PRKG1: variants seen among roughly 807,000 people sequenced by gnomAD.
The protein encoded by PRKG1 is cGMP-dependent protein kinase 1.
A neutral mutation model predicts 88.1 loss-of-function variants in PRKG1; 35 were observed. The ratio of observed to expected loss-of-function variants is 0.40; its 90% CI spans 0.30 to 0.53. The LOEUF (loss-of-function observed/expected upper bound fraction) is 0.53. PRKG1 is among the 20% of genes least tolerant of loss of function. PRKG1 has a pLI of 0.59. For synonymous variants in PRKG1, 303 were observed against 292.5 expected (o/e 1.04, Z -0.37); for missense variants, 540 against 839.8 (o/e 0.64, Z 4.41).
At chr10:52,086,747 G>T (rs2133314605) in intron 7 of PRKG1, among the ~76,000 whole-genome samples, 1 of 152,116 alleles carries the variant, frequency 6.6e-6, no homozygotes, top group African/African-American at 2.4e-5. Context: ...GTGGGCATTT[G>T]AACAGTGTAT....
intron 9 of PRKG1, among the ~76,000 whole-genome samples, chr10:52,232,990 G>C (rs908820296): frequency 6.6e-6 from 1 of 152,140 alleles, no homozygotes; most frequent in African/African-American, 2.4e-5. Context: ...AACATTAAGT[G>C]GACATTGAAC....
intron 2 of PRKG1, among the ~76,000 whole-genome samples, chr10:51,179,371 TAA>T (rs995520119): frequency 1.3e-5 from 2 of 152,220 alleles, no homozygotes; most frequent in Non-Finnish European, 2.9e-5. Context: ...TAAATGAAGC[TAA>T]AAGTGATGAT....
intron 8 of PRKG1, among the ~76,000 whole-genome samples, chr10:52,145,701 C>T (rs1468887092): frequency 6.6e-6 from 1 of 152,174 alleles, no homozygotes; most frequent in Non-Finnish European, 1.5e-5. Context: ...AATGGTTTTG[C>T]TTACTTTAGT....
intron 9 of PRKG1, among the ~76,000 whole-genome samples, chr10:52,189,653 T>C (rs375706822): frequency 2.7e-4 from 41 of 152,068 alleles, no homozygotes; most frequent in African/African-American, 8.9e-4. Context: ...CATGGGAAAA[T>C]TGTCTTCTAC....
chr10:51,849,250 C>G (rs1460817022), intron 4 of PRKG1, among the ~76,000 whole-genome samples: 6 of 152,124 alleles, frequency 3.9e-5, no homozygotes, highest in Admixed American at 3.9e-4. Flanking sequence ...TGGAGCCAAA[C>G]AGGCATGAGT....
At chr10:51,900,853 G>A (rs1470914110) in intron 4 of PRKG1, among the ~76,000 whole-genome samples, 1 of 151,978 alleles carries the variant, frequency 6.6e-6, no homozygotes, top group East Asian at 1.9e-4. Flanking sequence ...CCATTCAAAT[G>A]ATTTTGCTTG....
chr10:51,899,802 C>T (rs978159917), intron 4 of PRKG1, among the ~76,000 whole-genome samples: 5 of 151,118 alleles, frequency 3.3e-5, no homozygotes, highest in African/African-American at 1.2e-4. Flanking sequence ...AATGCAATCC[C>T]CAGTGTTGGA....
At chr10:51,528,180 A>G (rs1841929046) in intron 3 of PRKG1, among the ~76,000 whole-genome samples, 1 of 152,228 alleles carries the variant, frequency 6.6e-6, no homozygotes, top group Non-Finnish European at 1.5e-5. Context: ...AAAACCCACC[A>G]CAACAGTGAG....
chr10:51,681,022 G>A (rs567961847), intron 3 of PRKG1, among the ~76,000 whole-genome samples: 12 of 152,254 alleles, frequency 7.9e-5, no homozygotes, highest in Admixed American at 7.8e-4. Context: ...TTGACTACCT[G>A]TTTTAATAAT....
intron 3 of PRKG1, among the ~76,000 whole-genome samples, chr10:51,654,092 A>AG (rs1840105067): frequency 6.6e-6 from 1 of 152,028 alleles, no homozygotes; most frequent in African/African-American, 2.4e-5. Flanking sequence ...TTAAAAAAAA[A>AG]TCACTGCCCA....
intron 3 of PRKG1, among the ~76,000 whole-genome samples, chr10:51,591,548 C>T (rs1208118699): frequency 1.3e-5 from 2 of 152,100 alleles, no homozygotes; most frequent in African/African-American, 4.8e-5. Flanking sequence ...TAAGTTGTCA[C>T]CAGCACTGCA....
At chr10:51,637,556 T>C (rs1839688945) in intron 3 of PRKG1, among the ~76,000 whole-genome samples, 1 of 152,224 alleles carries the variant, frequency 6.6e-6, no homozygotes, top group African/African-American at 2.4e-5. Context: ...AAGAAAATGT[T>C]GTATATATAC....
chr10:52,178,819 G>A (rs1275551919), intron 9 of PRKG1, among the ~76,000 whole-genome samples: 4 of 151,804 alleles, frequency 2.6e-5, no homozygotes, highest in African/African-American at 7.3e-5. Context: ...TACTCCTGTT[G>A]GCTTTTGTTT....
intron 8 of PRKG1, among the ~76,000 whole-genome samples, chr10:52,134,548 G>A (rs1017733796): frequency 5.3e-5 from 8 of 152,140 alleles, no homozygotes; most frequent in African/African-American, 1.9e-4. Flanking sequence ...GATTCTCCAA[G>A]AGCATGGTTA....
At chr10:51,331,924 G>C (rs947534336) in intron 2 of PRKG1, among the ~76,000 whole-genome samples, 7 of 152,132 alleles carry the variant, frequency 4.6e-5, no homozygotes, top group Admixed American at 3.9e-4. Flanking sequence ...AAAGGTCATG[G>C]TTATCATTAA....
intron 9 of PRKG1, among the ~76,000 whole-genome samples, chr10:52,183,721 C>T (rs183773176): frequency 1.3e-5 from 2 of 152,258 alleles, no homozygotes; most frequent in Admixed American, 6.5e-5. Context: ...CAAGATGGTG[C>T]CATGATGCAA....
intron 5 of PRKG1, among the ~76,000 whole-genome samples, chr10:51,998,039 G>A (rs1433185193): frequency 6.6e-6 from 1 of 152,120 alleles, no homozygotes. Flanking sequence ...GTTTTTGGTG[G>A]ACACTCTATC....
At chr10:51,368,666 A>G (rs1055468076) in intron 2 of PRKG1, among the ~76,000 whole-genome samples, 5 of 152,118 alleles carry the variant, frequency 3.3e-5, no homozygotes, top group South Asian at 2.1e-4. Flanking sequence ...TGAACAATAG[A>G]TTTACTCTGT....
Position 52,052,510 on chromosome 10 carries a change from A to G in PRKG1, c.763-1974A>G, listed in dbSNP as rs560351465. Among the ~76,000 whole-genome samples, 50 of 152,234 alleles carry G rather than the reference A, an allele frequency of 3.3e-4. 1 individual carries two copies. The highest frequency in any genetic ancestry group is 7.9e-4 in the Admixed American group (12 of 15,280). On this transcript the variant is annotated intron_variant, in intron 5 of 17. Coordinates refer to ENST00000373980, the MANE Select transcript of PRKG1 (RefSeq NM_006258.4). The stretch of plus-strand genomic sequence containing the variant: ...GCTACTTGGGAGGCTGTATTAGTTC[A>G]TTCTCATACTGTTGGTAAAGACATC...
Sources: allele counts gnomAD v4.1 joint callset (sites outside exome capture counted in the v4.1 genomes callset), GRCh38; gene constraint gnomAD v4.1.1; transcripts MANE v1.5; gene names NCBI Gene and HGNC (gene_info 2026-07-23, HGNC 2026-07-21).